NELFCD: variants seen among roughly 807,000 people sequenced by gnomAD.
NELFCD encodes negative elongation factor complex member C/D.
Under a neutral mutation model 72.9 loss-of-function variants are expected in NELFCD, and 48 were observed. The ratio of observed to expected loss-of-function variants is 0.66; its 90% CI spans 0.52 to 0.84. The LOEUF is 0.84. NELFCD is among the 40% of genes least tolerant of loss of function. The pLI is 0.00. For missense variants in NELFCD, 538 were observed against 723.8 expected, an observed-to-expected ratio of 0.74 and a Z score of 2.94; for synonymous variants, 297 against 280.6, an observed-to-expected ratio of 1.06 and a Z score of -0.59.
In NELFCD at chr20:58,993,746, TC is replaced by T; in HGVS notation, c.1564del (p.Arg522AlafsTer45). On this transcript the variant is annotated frameshift_variant, in exon 13 of 15. Transcript: ENST00000652272. LOFTEE classifies it high-confidence loss of function. The surrounding 1 kb of genome is among the most constrained non-coding windows in gnomAD (Gnocchi z 5.0). The stretch of plus-strand genomic sequence containing the variant: ...AGCTGGACACTGACATTTCACTCAT[TC>T]GCTATTTTGTCACTGAGGTCAGCAA... ...EKLDTDISLI[R>X]YFVTEVLDVI... 6.2e-7 allele frequency: 1 copy of T among 1,614,208 alleles called. No homozygotes were observed. The highest frequency in any genetic ancestry group is 8.5e-7 in the Non-Finnish European group (1 of 1,180,026).
chr20:58,992,155 T>G, intron 10 of NELFCD, 135 bp downstream of exon 10: 1 of 958,390 alleles, frequency 1.0e-6, no homozygotes, highest in Non-Finnish European at 1.5e-6. Context: ...TTTTAAACAG[T>G]ATGTAGGGAA....
intron 1 of NELFCD, 67 bp downstream of exon 1, chr20:58,981,436 A>C: frequency 2.9e-5 from 20 of 695,418 alleles, no homozygotes; most frequent in South Asian, 6.4e-5. Flanking sequence ...GGCCGGCCCC[A>C]CTCCCGGAGA....
At chr20:58,992,909 A>C (rs2091828287) in intron 10 of NELFCD, 89 bp from the exon 11 acceptor site, 1 of 801,312 alleles carries the variant, frequency 1.2e-6, no homozygotes, top group African/African-American at 1.7e-5. Flanking sequence ...GAGTCATTTG[A>C]GTTTGTTTTT....
In NELFCD at chr20:58,981,360, C is replaced by T. The variant is rs560957119; in HGVS notation, c.51C>T (p.Asp17=). Residue 17 remains aspartate, a synonymous_variant, in exon 1 of 15, where the codon GAC becomes GAT. Transcript: ENST00000652272. Reference sequence around the variant, plus strand: ...CGGCCGAGTGGGGCGACGAGGCTGACGGCGGCCAGGTGAGGCGGGGCACTG... The same window carrying T: ...CGGCCGAGTGGGGCGACGAGGCTGATGGCGGCCAGGTGAGGCGGGGCACTG... ...GSAAEWGDEA[D]GGQQEDDSGE... is the part of the protein sequence containing the mutation. The T allele has an allele frequency of 3.6e-6, 4 of 1,105,574 alleles. No individual in the cohort carries two copies. The highest frequency in any genetic ancestry group is 1.0e-4 in the East Asian group (2 of 19,548). 68.5% of individuals were successfully genotyped at this position (1,105,574 alleles called of 1,614,324 possible).
Position 58,982,140 on chromosome 20 carries a change from A to ATT in NELFCD, c.60+803_60+804dup, listed in dbSNP as rs751696443. On this transcript the variant is annotated intron_variant, in intron 1 of 14. Transcript: ENST00000652272. ...TCTGGACGGGAGCCTGGGAACTTGC[A>ATT]TTTTTTTTTTTTTTTTTTTTTTTTT... Among the ~76,000 whole-genome samples, 45 of 68,382 alleles carry ATT rather than the reference A, an allele frequency of 6.6e-4. 1 individual carries two copies. The highest frequency in any genetic ancestry group is 9.4e-4 in the African/African-American group (18 of 19,134). The allele number at this position is 68,382 out of a possible 152,430, so 44.9% of individuals were successfully genotyped here.
intron 1 of NELFCD, among the ~76,000 whole-genome samples, chr20:58,985,294 A>T (rs950222162): frequency 6.6e-6 from 1 of 152,214 alleles, no homozygotes; most frequent in East Asian, 1.9e-4. Context: ...TGTCTCTCCT[A>T]TTAGTTTGTG....
At position 58,993,849 on chromosome 20, in the gene NELFCD, T is replaced by A; in HGVS notation, c.1581+85T>A. ...GGCTTAATTTAGTTCATTTTGTACC[T>A]AACTGAGAACTGTGCTTTCTGATGT... On this transcript the variant is annotated intron_variant, in intron 13 of 14. Coordinates refer to ENST00000652272, the MANE Select transcript of NELFCD (RefSeq NM_198976.4). This position sits in a 1 kb window ranked among gnomAD's most constrained non-coding sequence, Gnocchi z 5.0. The A allele has an allele frequency of 7.0e-7, 1 of 1,420,302 alleles. No homozygotes were observed. The highest frequency in any genetic ancestry group is 9.7e-7 in the Non-Finnish European group (1 of 1,028,276). 88.0% of individuals were successfully genotyped at this position (1,420,302 alleles called of 1,614,324 possible). A position where few individuals can be genotyped will look rare whatever the true frequency, so the allele number is the denominator to read the frequency against.
chr20:58,989,118 C>A, intron 5 of NELFCD, 97 bp downstream of exon 5: 1 of 850,140 alleles, frequency 1.2e-6, no homozygotes, highest in Non-Finnish European at 1.9e-6. Flanking sequence ...TGCTTTTTTT[C>A]CATAAAGGTC....
chr20:58,981,866 C>A (rs1252004150), intron 1 of NELFCD, among the ~76,000 whole-genome samples: 3 of 152,232 alleles, frequency 2.0e-5, no homozygotes, highest in African/African-American at 7.2e-5. Context: ...TACTCTTCAG[C>A]ACCTTGGGCT....
In NELFCD at chr20:58,993,885, A is replaced by G; in HGVS notation, c.1581+121A>G. ...TGTGCTTTCTGATGTAGTGATGACA[A>G]TGACAGATACTCGTTTACCAAAAAG... is the stretch of plus-strand genomic sequence containing the variant. On this transcript the variant is annotated intron_variant, in intron 13 of 14. Transcript: ENST00000652272. The surrounding 1 kb of genome is among the most constrained non-coding windows in gnomAD (Gnocchi z 5.0). The G allele has an allele frequency of 7.9e-7, 1 of 1,265,150 alleles. No individual in the cohort carries two copies. Among genetic ancestry groups the G allele is most frequent in the African/African-American group, 1.5e-5 (1 of 67,882 alleles). 78.4% of individuals were successfully genotyped at this position (1,265,150 alleles called of 1,614,324 possible). A position where few individuals can be genotyped will look rare whatever the true frequency, so the allele number is the denominator to read the frequency against.
In NELFCD at chr20:58,989,253, G is replaced by A. The variant is rs1347746679; in HGVS notation, c.504+232G>A. The A allele has an allele frequency of 3.0e-5, 19 of 624,932 alleles. No individual in the cohort carries two copies. The East Asian group carries it at 4.1e-4, about 13-fold the overall frequency. 38.7% of individuals were successfully genotyped at this position (624,932 alleles called of 1,614,324 possible). A position where few individuals can be genotyped will look rare whatever the true frequency, so the allele number is the denominator to read the frequency against. Reference sequence around the variant, plus strand: ...GGATACAAGAATTCTCTTGTGGTTGGAGAGGAGCTTTAGGCGTGCCTGCTT... The same window carrying A: ...GGATACAAGAATTCTCTTGTGGTTGAAGAGGAGCTTTAGGCGTGCCTGCTT... On this transcript the variant is annotated intron_variant, in intron 5 of 14. Coordinates refer to ENST00000652272, the MANE Select transcript of NELFCD (RefSeq NM_198976.4).
chr20:58,994,258 C>T lies in NELFCD; in HGVS notation c.1711+19C>T. 3.1e-6 allele frequency: 5 copies of T among 1,611,120 alleles called. No individual in the cohort carries two copies. The highest frequency in any genetic ancestry group is 4.2e-6 in the Non-Finnish European group (5 of 1,177,856). Reference sequence around the variant, plus strand: ...TTTATAGGTGAGGCCGACTGCCTAGCCCTTTACTACAATAGAAAATGTCAG... The same window carrying T: ...TTTATAGGTGAGGCCGACTGCCTAGTCCTTTACTACAATAGAAAATGTCAG... On this transcript the variant is annotated intron_variant, in intron 14 of 14. Transcript: ENST00000652272.
At chr20:58,987,061 A>G in intron 3 of NELFCD, 198 bp downstream of exon 3, 1 of 526,848 alleles carries the variant, frequency 1.9e-6, no homozygotes, top group East Asian at 3.4e-5. Flanking sequence ...TCTTTGATTC[A>G]GTAATTGAGG....
At position 58,986,198 on chromosome 20, in the gene NELFCD, ACT is replaced by A. The variant is rs1184266628; in HGVS notation, c.169_170del (p.Leu57GlufsTer19). On this transcript the variant is annotated frameshift_variant, in exon 2 of 15. Transcript: ENST00000652272. LOFTEE classifies it high-confidence loss of function. This position sits in a 1 kb window ranked among gnomAD's most constrained non-coding sequence, Gnocchi z 4.4. Reference sequence around the variant, plus strand: ...TATCATGGAACCCTCCATCTTCAACACTCTGAAGAGGTATGTGAGAAAGGTGT... The same window carrying A: ...TATCATGGAACCCTCCATCTTCAACACTGAAGAGGTATGTGAGAAAGGTGT... The part of the protein sequence containing the change: ...DYIMEPSIFN[T>X]LKRYFQAGGS... 6.3e-7 allele frequency: 1 copy of A among 1,599,488 alleles called. No homozygotes were observed. The highest frequency in any genetic ancestry group is 1.7e-4 in the Middle Eastern group (1 of 6,030).
At position 58,987,710 on chromosome 20, in the gene NELFCD, G is replaced by A. The variant is rs1452571813; in HGVS notation, c.289G>A (p.Val97Ile). Residue 97 changes from valine to isoleucine, a missense_variant and splice_region_variant, in exon 4 of 15, where the codon GTT (valine) becomes ATT (isoleucine). By Grantham distance (29) the Val-to-Ile change is conservative. Around this residue, in one of 3 missense-constraint regions of NELFCD, gnomAD observed 355 missense variants for 534.5 expected, o/e 0.66. Transcript: ENST00000652272. ...TAGTTGCTTTTATTCTCTTTCAGGT[G>A]TTGAGCCAGTGCAGGTTCAGGAAAC... ...LLAEWLIQTGVEPVQVQETVE... is the reference protein window; with the variant it reads ...LLAEWLIQTGIEPVQVQETVE... 6.2e-7 allele frequency: 1 copy of A among 1,613,696 alleles called. No individual in the cohort carries two copies. The highest frequency in any genetic ancestry group is 8.5e-7 in the Non-Finnish European group (1 of 1,179,606).
chr20:58,994,057 T>C (rs2091838429), intron 13 of NELFCD, 53 bp from the exon 14 acceptor site: 5 of 1,594,384 alleles, frequency 3.1e-6, no homozygotes, highest in Non-Finnish European at 4.3e-6. Context: ...CGGATGTCGG[T>C]GGATGCCCCG....
chr20:58,994,878 A>G lies in NELFCD; in HGVS notation c.*202A>G, dbSNP rs184888819. The stretch of plus-strand genomic sequence containing the variant: ...ACAAACAGTCCCTTCTCTGCTGTCA[A>G]TCCAATACTGCTCCCAAATCCTGTT... On this transcript the variant is annotated 3_prime_UTR_variant, in exon 15 of 15. Transcript: ENST00000652272. 1,485 of 580,424 alleles carry G rather than the reference A, an allele frequency of 2.6e-3. 7 individuals are homozygous for G. The highest frequency in any genetic ancestry group is 2.0e-3 in the Non-Finnish European group (637 of 324,194). The allele number at this position is 580,424 out of a possible 1,614,324, so 36.0% of individuals were successfully genotyped here. A position where few individuals can be genotyped will look rare whatever the true frequency, so the allele number is the denominator to read the frequency against.
intron 7 of NELFCD, chr20:58,990,660 T>G (rs534613675): frequency 2.5e-6 from 1 of 404,566 alleles, no homozygotes; most frequent in South Asian, 5.1e-5. Flanking sequence ...GAGCTCATAT[T>G]AGCTTTATTT....
At chr20:58,988,117 G>C in intron 4 of NELFCD, 1 of 347,724 alleles carries the variant, frequency 2.9e-6, no homozygotes, top group Non-Finnish European at 5.3e-6. Context: ...TGGTGGATTC[G>C]TTTGGTTCCT....
Sources: gnomAD v4.1 joint callset for allele counts (sites outside exome capture counted in the v4.1 genomes callset) on GRCh38, gnomAD v4.1.1 for gene constraint, gnomAD v4.1.1 regional missense constraint, Gnocchi (gnomAD v3.1) non-coding constraint, MANE v1.5 for transcripts, NCBI Gene and HGNC (gene_info 2026-07-23, HGNC 2026-07-21) for gene names.